Variants in MED16 observed in about 807,000 individuals in gnomAD.
MED16 encodes the protein mediator complex subunit 16.
Under a neutral mutation model 84.4 loss-of-function variants are expected in MED16, and 81 were observed. The ratio of observed to expected loss-of-function variants is 0.96; its 90% confidence interval spans 0.80 to 1.15. MED16 has a LOEUF of 1.15. Among genes scored for constraint, MED16 ranks in the 50% most tolerant of loss-of-function variants. The probability of loss-of-function intolerance (pLI) is 0.00; values close to 1 mark genes in which losing one functional copy is unlikely to be tolerated. For synonymous variants in MED16, 897 were observed against 552.2 expected (o/e 1.62, Z -8.76); for missense variants, 1,585 against 1,245.9 (o/e 1.27, Z -4.10).
intron 8 of MED16, among the ~76,000 whole-genome samples, chr19:877,420 C>G (rs1218614096): frequency 6.6e-6 from 1 of 152,150 alleles, no homozygotes; most frequent in African/African-American, 2.4e-5. Context: ...GATGCCGAGC[C>G]AGGCTTACAC....
chr19:871,726 G>C, intron 12 of MED16, 200 bp downstream of exon 12: 7 of 1,092,136 alleles, frequency 6.4e-6, no homozygotes, highest in South Asian at 5.1e-5. Context: ...GTTCTGGCGG[G>C]GGGCTCAGGC....
In MED16 at chr19:871,949, A is replaced by T. The variant is rs1363467712; in HGVS notation, c.2075T>A (p.Leu692Gln). The change falls in exon 12 of 16, where the codon CTG becomes CAG. Residue 692 changes from leucine to glutamine, a missense_variant. Leu to Gln is a moderately radical substitution (Grantham distance 113). Coordinates refer to ENST00000325464, the MANE Select transcript of MED16 (RefSeq NM_005481.3). ...ACAGCAGATCCAGAGCTTGGTGAGCAGGCGGAAGAGCAGGGACATGCTGTC... is the reference window on the plus strand; with the variant it reads ...ACAGCAGATCCAGAGCTTGGTGAGCTGGCGGAAGAGCAGGGACATGCTGTC... ...TQDSMSLLFR[L>Q]LTKLWICCRD... is the part of the protein sequence containing the mutation. 1 of 1,588,002 alleles carries T rather than the reference A, an allele frequency of 6.3e-7. No individual in the cohort carries two copies. Among genetic ancestry groups the T allele is most frequent in the Admixed American group, 1.7e-5 (1 of 57,266 alleles).
rs746125572 is a variant in MED16 at position 873,444 on chromosome 19, C to A, written c.1905+5G>T. ...GGCGGGGCCTTAGGGGAGAGCATGG[C>A]GCACCTGGTTGGGTAGGCTGGCCAG... On this transcript the variant is annotated splice_donor_5th_base_variant and intron_variant, in intron 11 of 15. Coordinates refer to ENST00000325464, the MANE Select transcript of MED16 (RefSeq NM_005481.3). 2 of 1,606,234 alleles carry A rather than the reference C, an allele frequency of 1.2e-6. No individual in the cohort carries two copies. Among genetic ancestry groups the A allele is most frequent in the Non-Finnish European group, 1.7e-6 (2 of 1,179,424 alleles).
rs1568321249 is a variant in MED16 at position 873,114 on chromosome 19, AGGGCTCCGAGATGGGGCAG to A, written c.1905+316_1905+334del. The A allele has an allele frequency of 4.8e-4, 35 of 73,292 alleles. 5 individuals are homozygous for A. The highest frequency in any genetic ancestry group is 1.4e-3 in the South Asian group (9 of 6,450). The allele number at this position is 73,292 out of a possible 1,614,324, so 4.5% of individuals were successfully genotyped here. A position where few individuals can be genotyped will look rare whatever the true frequency, so the allele number is the denominator to read the frequency against. Reference sequence around the variant, plus strand: ...GTGGGGGAGGGCTCCGAGGTGGGGCAGGGCTCCGAGATGGGGCAGGGCTCCGAGGTGGGGCAGGGCTAGG... The same window carrying A: ...GTGGGGGAGGGCTCCGAGGTGGGGCAGGCTCCGAGGTGGGGCAGGGCTAGG... On this transcript the variant is annotated intron_variant, in intron 11 of 15. Transcript: ENST00000325464.
At chr19:887,087 A>G (rs1259592097) in intron 4 of MED16, among the ~76,000 whole-genome samples, 1 of 148,960 alleles carries the variant, frequency 6.7e-6, no homozygotes, top group Non-Finnish European at 1.5e-5. Context: ...CTCAAAAACA[A>G]AAAAAAAAAG....
rs371802904 is a variant in MED16, at chr19:872,151, G to A, written c.1906-33C>T. The A allele has an allele frequency of 9.1e-5, 143 of 1,568,662 alleles. 1 individual carries two copies. The highest frequency in any genetic ancestry group is 1.8e-4 in the African/African-American group (13 of 73,340). ...AAAGAGGCATCGGTGTGGCTGGGGC[G>A]GCGGGGGGCAGATGGCGATGGGATG... On this transcript the variant is annotated intron_variant, in intron 11 of 15. Coordinates refer to ENST00000325464, the MANE Select transcript of MED16 (RefSeq NM_005481.3).
rs1568318295 is a variant in MED16, at chr19:871,104, G to A, written c.2248C>T (p.Leu750=). 1.3e-6 allele frequency: 2 copies of A among 1,548,688 alleles called. No individual in the cohort carries two copies. Among genetic ancestry groups the A allele is most frequent in the Non-Finnish European group, 1.7e-6 (2 of 1,145,996 alleles). The part of the protein sequence containing the change: ...SRLQPKQPLR[L]QFGRAPTLPG... ...AGCGTGGGCGCCCGGCCAAACTGCA[G>A]ACGAAGGGGCTGCTTGGGCTGCAGG... Residue 750 remains leucine, a synonymous_variant, in exon 13 of 16, where the codon CTG becomes TTG. Coordinates refer to ENST00000325464, the MANE Select transcript of MED16 (RefSeq NM_005481.3).
chr19:874,350 G>C (rs2036178060), intron 10 of MED16, among the ~76,000 whole-genome samples: 1 of 152,194 alleles, frequency 6.6e-6, no homozygotes, highest in South Asian at 2.1e-4. Context: ...CTGACCTCGT[G>C]ATCAGCCCGC....
intron 6 of MED16, among the ~76,000 whole-genome samples, chr19:883,841 G>A (rs2036470907): frequency 6.6e-6 from 1 of 152,158 alleles, no homozygotes; most frequent in South Asian, 2.1e-4. Context: ...CGAGGCCCAG[G>A]GGAAGGAATG....
In MED16 at chr19:873,499, G is replaced by C. The variant is rs930498226; in HGVS notation, c.1855C>G (p.Gln619Glu). ...NTLQALQQLLQWVGDFVLYLL... is the reference protein window; with the variant it reads ...NTLQALQQLLEWVGDFVLYLL... Reference sequence around the variant, plus strand: ...TACAGCACGAAGTCGCCCACCCACTGCAAGAGCTGCTGCAGCGCCTGCAGT... The same window carrying C: ...TACAGCACGAAGTCGCCCACCCACTCCAAGAGCTGCTGCAGCGCCTGCAGT... Residue 619 changes from glutamine (Q) to glutamate (E), a missense_variant, in exon 11 of 16, where the codon CAG becomes GAG. By Grantham distance (29) the Gln-to-Glu change is conservative. Coordinates refer to ENST00000325464, the MANE Select transcript of MED16 (RefSeq NM_005481.3). 7 of 1,611,802 alleles carry C rather than the reference G, an allele frequency of 4.3e-6. No homozygotes were observed. In the Admixed American group the frequency reaches 8.3e-5, roughly 19 times the overall value.
At chr19:876,640 C>A (rs1258701491) in intron 9 of MED16, among the ~76,000 whole-genome samples, 1 of 152,084 alleles carries the variant, frequency 6.6e-6, no homozygotes, top group Admixed American at 6.5e-5. Flanking sequence ...GCAGCCTCAC[C>A]TGCCACAGGC....
intron 13 of MED16, 131 bp from the exon 14 acceptor site, chr19:869,077 T>A: frequency 1.3e-6 from 1 of 785,390 alleles, no homozygotes; most frequent in South Asian, 1.9e-5. Context: ...GGCCCAGATG[T>A]CTGTGAACAG....
intron 7 of MED16, 137 bp from the exon 8 acceptor site, chr19:880,285 C>T (rs568557141): frequency 3.6e-5 from 25 of 702,968 alleles, no homozygotes; most frequent in African/African-American, 9.4e-5. Flanking sequence ...CGGCATCCAG[C>T]GCCCGTGCCC....
At position 871,170 on chromosome 19, in the gene MED16, T is replaced by A. The variant is rs1328529998; in HGVS notation, c.2182A>T (p.Ser728Cys). ...CLLPSQLLIPSLDWLPASDGL... is the reference protein window; with the variant it reads ...CLLPSQLLIPCLDWLPASDGL... The stretch of plus-strand genomic sequence containing the variant: ...TCGCTGGCTGGCAGCCAGTCCAGGC[T>A]GGGGATAAGCAGCTGGCTGGGCAGC... The change falls in exon 13 of 16, where the codon AGC (serine) becomes TGC (cysteine). Residue 728 changes from serine (S) to cysteine (C), a missense_variant. By Grantham distance (112) the Ser-to-Cys change is moderately radical. Transcript: ENST00000325464. 6.5e-7 allele frequency: 1 copy of A among 1,548,974 alleles called. No homozygotes were observed. The highest frequency in any genetic ancestry group is 1.4e-5 in the African/African-American group (1 of 73,088).
chr19:873,502 A>G lies in MED16; in HGVS notation c.1852T>C (p.Leu618=). 6.2e-7 allele frequency: 1 copy of G among 1,611,588 alleles called. No individual in the cohort carries two copies. Among genetic ancestry groups the G allele is most frequent in the Non-Finnish European group, 8.5e-7 (1 of 1,179,294 alleles). ...MNTLQALQQL[L]QWVGDFVLYL... is the part of the protein sequence containing the mutation. The stretch of plus-strand genomic sequence containing the variant: ...AGCACGAAGTCGCCCACCCACTGCA[A>G]GAGCTGCTGCAGCGCCTGCAGTGTG... Residue 618 remains leucine, a synonymous_variant, in exon 11 of 16, where the codon TTG becomes CTG. Transcript: ENST00000325464.
At chr19:886,404 G>C (rs900987767) in intron 4 of MED16, among the ~76,000 whole-genome samples, 2 of 152,228 alleles carry the variant, frequency 1.3e-5, no homozygotes, top group East Asian at 1.9e-4. Context: ...TGGAAGGAAC[G>C]GCACCTTTGC....
intron 8 of MED16, among the ~76,000 whole-genome samples, chr19:877,928 C>A (rs2036296096): frequency 1.4e-5 from 2 of 139,570 alleles, no homozygotes; most frequent in African/African-American, 5.4e-5. Flanking sequence ...CAGCAGCTCA[C>A]CTTCCCGTGG....
intron 2 of MED16, chr19:890,451 A>G (rs1407769759): frequency 4.3e-6 from 2 of 466,718 alleles, no homozygotes; most frequent in African/African-American, 4.0e-5. Flanking sequence ...TGTGTCTTTA[A>G]AACCAGATTA....
chr19:878,388 C>G (rs2036317844), intron 8 of MED16, among the ~76,000 whole-genome samples: 1 of 118,400 alleles, frequency 8.4e-6, no homozygotes, highest in East Asian at 2.6e-4. Context: ...CCCCACGTGC[C>G]CCAGCAGCTC....
Sources: gnomAD v4.1 joint callset for allele counts (sites outside exome capture counted in the v4.1 genomes callset) on GRCh38, gnomAD v4.1.1 for gene constraint, MANE v1.5 for transcripts, NCBI Gene and HGNC (gene_info 2026-07-23, HGNC 2026-07-21) for gene names.